SORCS1: variants seen among roughly 807,000 people sequenced by gnomAD.
SORCS1 encodes sortilin related VPS10 domain containing receptor 1.
SORCS1 carries 60 observed loss-of-function variants against 146.1 expected under a neutral mutation model. The ratio of observed to expected loss-of-function variants is 0.41; its 90% CI spans 0.33 to 0.51. The LOEUF (loss-of-function observed/expected upper bound fraction) is 0.51. SORCS1 is among the 20% of genes least tolerant of loss of function. The pLI, the probability that SORCS1 is intolerant of heterozygous loss-of-function variation, is 0.21. For synonymous variants in SORCS1, 637 were observed against 584.0 expected (o/e 1.09, Z -1.31); for missense variants, 1,352 against 1,487.6 (o/e 0.91, Z 1.50).
chr10:106,783,432 T>C (rs1442952141), intron 3 of SORCS1, among the ~76,000 whole-genome samples: 1 of 152,180 alleles, frequency 6.6e-6, no homozygotes, highest in Non-Finnish European at 1.5e-5. Context: ...TGTGCAAATA[T>C]TGCGTTTACC....
intron 1 of SORCS1, among the ~76,000 whole-genome samples, chr10:107,139,789 A>G (rs1471009616): frequency 6.6e-6 from 1 of 152,138 alleles, no homozygotes; most frequent in Non-Finnish European, 1.5e-5. Context: ...GATATTAATA[A>G]CCCAGACATG....
At chr10:107,009,687 C>CAT (rs1222168409) in intron 1 of SORCS1, among the ~76,000 whole-genome samples, 1 of 152,160 alleles carries the variant, frequency 6.6e-6, no homozygotes, top group Non-Finnish European at 1.5e-5. Context: ...GATTTAAAAA[C>CAT]ATATATATAA....
At chr10:106,595,622 C>A (rs985081947) in intron 24 of SORCS1, among the ~76,000 whole-genome samples, 1 of 152,098 alleles carries the variant, frequency 6.6e-6, no homozygotes, top group Admixed American at 6.5e-5. Flanking sequence ...AAGATAAAAT[C>A]CAAGAAGGTA....
chr10:106,982,184 C>T (rs1477367542), intron 1 of SORCS1, among the ~76,000 whole-genome samples: 1 of 152,096 alleles, frequency 6.6e-6, no homozygotes, highest in Non-Finnish European at 1.5e-5. Flanking sequence ...ACAAGATAGG[C>T]CATTACTGAA....
chr10:106,985,897 C>T (rs1020748861), intron 1 of SORCS1, among the ~76,000 whole-genome samples: 2 of 151,956 alleles, frequency 1.3e-5, no homozygotes, highest in Non-Finnish European at 2.9e-5. Context: ...GAATATGTGA[C>T]ACAGAGTACC....
chr10:106,807,031 A>G (rs999315021), intron 3 of SORCS1, among the ~76,000 whole-genome samples: 4 of 152,180 alleles, frequency 2.6e-5, no homozygotes, highest in Non-Finnish European at 5.9e-5. Context: ...ACTTCTCGTC[A>G]TAATTTAGTA....
At chr10:106,890,210 C>T (rs1951176519) in intron 2 of SORCS1, among the ~76,000 whole-genome samples, 1 of 152,152 alleles carries the variant, frequency 6.6e-6, no homozygotes, top group African/African-American at 2.4e-5. Context: ...GGCTATTTCC[C>T]TCCCATTTCC....
Position 106,823,034 on chromosome 10 carries a change from C to T in SORCS1, c.726+6540G>A, listed in dbSNP as rs144523641. Among the ~76,000 whole-genome samples the T allele has an allele frequency of 1.9e-3, 291 of 152,210 alleles. 2 individuals carry two copies. Among genetic ancestry groups the T allele is most frequent in the African/African-American group, 6.0e-3 (249 of 41,520 alleles). On this transcript the variant is annotated intron_variant, in intron 3 of 25. Coordinates refer to ENST00000263054, the MANE Select transcript of SORCS1 (RefSeq NM_052918.5). Reference sequence around the variant, plus strand: ...CCGACCTCAGGTGATCCACCCACCTCGGCCTCTCAAAGTGGTGGGATTACA... The same window carrying T: ...CCGACCTCAGGTGATCCACCCACCTTGGCCTCTCAAAGTGGTGGGATTACA...
chr10:106,812,089 C>A (rs1947488767), intron 3 of SORCS1, among the ~76,000 whole-genome samples: 1 of 152,124 alleles, frequency 6.6e-6, no homozygotes, highest in Non-Finnish European at 1.5e-5. Context: ...CAAGCTCTGC[C>A]TCCCAGGTTC....
chr10:106,639,578 C>T (rs1848933733), intron 18 of SORCS1, among the ~76,000 whole-genome samples: 1 of 152,158 alleles, frequency 6.6e-6, no homozygotes, highest in South Asian at 2.1e-4. Context: ...ATATTGCCTG[C>T]CTCATTTCCT....
At chr10:107,012,608 C>T (rs1485002243) in intron 1 of SORCS1, among the ~76,000 whole-genome samples, 3 of 152,104 alleles carry the variant, frequency 2.0e-5, no homozygotes, top group African/African-American at 7.2e-5. Flanking sequence ...GGTGAAGTTA[C>T]TTGTCCAGTG....
At chr10:106,979,965 TG>T (rs1956185451) in intron 1 of SORCS1, among the ~76,000 whole-genome samples, 1 of 152,236 alleles carries the variant, frequency 6.6e-6, no homozygotes, top group African/African-American at 2.4e-5. Flanking sequence ...GTCCTTCAAA[TG>T]TTAGATATTG....
intron 6 of SORCS1, among the ~76,000 whole-genome samples, chr10:106,716,860 G>A (rs1040801061): frequency 6.6e-6 from 1 of 152,058 alleles, no homozygotes; most frequent in African/African-American, 2.4e-5. Context: ...TCCAGGCCGG[G>A]CTCGGTGATT....
At position 106,600,035 on chromosome 10, in the gene SORCS1, C is replaced by A. The variant is rs562650692; in HGVS notation, c.3166-2585G>T. On this transcript the variant is annotated intron_variant, in intron 23 of 25. Coordinates refer to ENST00000263054, the MANE Select transcript of SORCS1 (RefSeq NM_052918.5). ...GAACTCCTGACCACAAGTGATCCAC[C>A]CGCCTCAGCCTCCCAAAGTGCTGGA... 1.6e-3 allele frequency among the ~76,000 whole-genome samples: 245 copies of A among 152,228 alleles called. 2 individuals are homozygous for A. Among genetic ancestry groups the A allele is most frequent in the South Asian group, 3.9e-3 (19 of 4,826 alleles).
intron 2 of SORCS1, among the ~76,000 whole-genome samples, chr10:106,858,607 C>CAAAAAA (rs71482495): frequency 1.2e-5 from 1 of 81,144 alleles, no homozygotes; most frequent in African/African-American, 4.9e-5. Flanking sequence ...GCCTCTGTCT[C>CAAAAAA]AAAAAAAAAA....
intron 1 of SORCS1, among the ~76,000 whole-genome samples, chr10:107,092,704 A>G (rs1964275048): frequency 6.6e-6 from 1 of 152,086 alleles, no homozygotes; most frequent in Non-Finnish European, 1.5e-5. Context: ...CCCTTTTCTC[A>G]ATAACCATAA....
At chr10:106,590,733 C>A (rs1178381631) in intron 24 of SORCS1, among the ~76,000 whole-genome samples, 3 of 152,164 alleles carry the variant, frequency 2.0e-5, no homozygotes, top group African/African-American at 4.8e-5. Context: ...CAGCTCACTG[C>A]AACCTCTGCC....
At chr10:107,086,873 C>G (rs1038490353) in intron 1 of SORCS1, among the ~76,000 whole-genome samples, 1 of 152,178 alleles carries the variant, frequency 6.6e-6, no homozygotes, top group African/African-American at 2.4e-5. Flanking sequence ...AGTAAAAATA[C>G]AAACAATTAG....
At chr10:107,086,576 A>G (rs938572764) in intron 1 of SORCS1, among the ~76,000 whole-genome samples, 4 of 152,254 alleles carry the variant, frequency 2.6e-5, no homozygotes, top group African/African-American at 2.4e-5. Flanking sequence ...TGTGGACTTT[A>G]GGCACATCTG....
Sources: gnomAD v4.1 joint callset for allele counts (sites outside exome capture counted in the v4.1 genomes callset) on GRCh38, gnomAD v4.1.1 for gene constraint, MANE v1.5 for transcripts, NCBI Gene and HGNC (gene_info 2026-07-23, HGNC 2026-07-21) for gene names.